Variants in DIS3L2 observed in about 807,000 individuals in gnomAD.
The protein encoded by DIS3L2 is DIS3 like 3'-5' exoribonuclease 2, also known as DIS3-like exonuclease 2.
In DIS3L2, 34 loss-of-function variants were observed where a neutral mutation model predicts 97.5. That is an observed-to-expected ratio of 0.35 (90% confidence interval 0.27 to 0.46). DIS3L2 has a LOEUF of 0.46. Ranked by LOEUF, DIS3L2 falls within the 20% of genes least tolerant of loss-of-function variation. The pLI is 1.00. For missense variants in DIS3L2, 1,038 were observed against 1,146.0 expected (o/e 0.91, Z 1.36); for synonymous variants, 435 against 445.2 (o/e 0.98, Z 0.29).
chr2:232,228,333 A>G (rs1692700687), intron 10 of DIS3L2, among the ~76,000 whole-genome samples: 1 of 152,172 alleles, frequency 6.6e-6, no homozygotes, highest in Non-Finnish European at 1.5e-5. Context: ...TTTTAGACCT[A>G]GACCTGGGGG....
rs763988869 is a variant in DIS3L2, at chr2:232,087,651, T to C, written c.531T>C (p.Asp177=). 8.1e-6 allele frequency: 13 copies of C among 1,614,074 alleles called. No homozygotes were observed. The highest frequency in any genetic ancestry group is 4.0e-5 in the African/African-American group (3 of 74,920). ...AGTTTGATGGCAGCGACTCAGAAGA[T>C]GGACATGGCATCACACAAAATGTGC... is the stretch of plus-strand genomic sequence containing the variant. The part of the protein sequence containing the change: ...EAQFDGSDSE[D]GHGITQNVLV... Residue 177 remains aspartate (D), a synonymous_variant, in exon 6 of 21, where the codon GAT becomes GAC. Coordinates refer to ENST00000325385, the MANE Select transcript of DIS3L2 (RefSeq NM_152383.5).
At position 232,018,530 on chromosome 2, in the gene DIS3L2, C is replaced by T. The variant is rs185423166; in HGVS notation, c.210+2859C>T. On this transcript the variant is annotated intron_variant, in intron 3 of 20. Coordinates refer to ENST00000325385, the MANE Select transcript of DIS3L2 (RefSeq NM_152383.5). ...ATAAACTTTATGTGTGCAAGCCTTG[C>T]GGGGTAAGGTAAAAGGCCAGACAAG... Among the ~76,000 whole-genome samples, 31 of 152,078 alleles carry T rather than the reference C, an allele frequency of 2.0e-4. No homozygotes were observed. The East Asian group carries it at 2.5e-3, about 12-fold the overall frequency.
chr2:232,225,750 G>A (rs1001444665), intron 10 of DIS3L2, among the ~76,000 whole-genome samples: 2 of 152,048 alleles, frequency 1.3e-5, no homozygotes, highest in African/African-American at 2.4e-5. Context: ...TTAAAAAAAT[G>A]AAGGAGTACA....
intron 5 of DIS3L2, among the ~76,000 whole-genome samples, chr2:232,062,088 C>T (rs1051358621): frequency 1.5e-5 from 2 of 136,986 alleles, no homozygotes; most frequent in South Asian, 2.7e-4. Flanking sequence ...TGTTCAGCTA[C>T]GGGGCGGGCT....
intron 3 of DIS3L2, among the ~76,000 whole-genome samples, chr2:232,022,687 C>CGAGACTGTAAGCTCTGTGATGGTA (rs1694550910): frequency 6.6e-6 from 1 of 152,206 alleles, no homozygotes; most frequent in African/African-American, 2.4e-5. Flanking sequence ...CTTCCCCTCA[C>CGAGACTGTAAGCTCTGTGATGGTA]GAGACTGTAA....
At chr2:232,096,461 C>A (rs1363677340) in intron 6 of DIS3L2, among the ~76,000 whole-genome samples, 1 of 152,052 alleles carries the variant, frequency 6.6e-6, no homozygotes, top group Non-Finnish European at 1.5e-5. Flanking sequence ...TAATGTCTTT[C>A]TCTAGGTTTG....
At chr2:232,241,265 C>CA (rs1693073398) in intron 11 of DIS3L2, among the ~76,000 whole-genome samples, 2 of 152,216 alleles carry the variant, frequency 1.3e-5, no homozygotes, top group African/African-American at 4.8e-5. Context: ...GCTGTGTTTC[C>CA]GCCCTCCAGA....
At chr2:232,289,164 A>C (rs1252538351) in intron 13 of DIS3L2, among the ~76,000 whole-genome samples, 1 of 152,170 alleles carries the variant, frequency 6.6e-6, no homozygotes, top group Non-Finnish European at 1.5e-5. Context: ...TTCTCACTTA[A>C]GGCTTGATAT....
intron 5 of DIS3L2, among the ~76,000 whole-genome samples, chr2:232,067,846 A>G (rs923238451): frequency 2.0e-5 from 3 of 152,242 alleles, no homozygotes; most frequent in Non-Finnish European, 2.9e-5. Flanking sequence ...CCGCTTATCA[A>G]CATAAAGTGT....
At chr2:232,172,800 A>G (rs1574925027) in intron 9 of DIS3L2, 2 of 531,706 alleles carry the variant, frequency 3.8e-6, no homozygotes, top group East Asian at 1.1e-4. Flanking sequence ...TGTATTTGTG[A>G]TTATAGCCAT....
At chr2:232,199,280 T>C (rs1691832735) in intron 9 of DIS3L2, among the ~76,000 whole-genome samples, 1 of 152,232 alleles carries the variant, frequency 6.6e-6, no homozygotes, top group Admixed American at 6.5e-5. Flanking sequence ...AAAGTCATGT[T>C]TGAAGAGCTG....
intron 9 of DIS3L2, among the ~76,000 whole-genome samples, chr2:232,167,942 G>A (rs987064850): frequency 1.6e-4 from 24 of 152,208 alleles, no homozygotes; most frequent in African/African-American, 2.9e-4. Context: ...CCAGCTGCTC[G>A]GGAGGCTGAG....
chr2:232,233,530 AT>A (rs1279871610), intron 10 of DIS3L2, among the ~76,000 whole-genome samples: 4 of 152,168 alleles, frequency 2.6e-5, no homozygotes, highest in Non-Finnish European at 4.4e-5. Context: ...GGGGGAGCAA[AT>A]ATCTATCACA....
chr2:232,314,295 C>T (rs1695212097), intron 14 of DIS3L2, among the ~76,000 whole-genome samples: 2 of 152,198 alleles, frequency 1.3e-5, no homozygotes, highest in Non-Finnish European at 2.9e-5. Flanking sequence ...CAAGGTAGAT[C>T]CTATATTTTT....
chr2:231,983,938 T>A (rs914766871), intron 1 of DIS3L2, among the ~76,000 whole-genome samples: 1 of 151,794 alleles, frequency 6.6e-6, no homozygotes, highest in Admixed American at 6.6e-5. Flanking sequence ...TGGAACAAAG[T>A]TCTTTATTAT....
intron 9 of DIS3L2, among the ~76,000 whole-genome samples, chr2:232,209,260 G>A (rs1477526394): frequency 2.0e-5 from 3 of 152,118 alleles, no homozygotes; most frequent in Admixed American, 6.6e-5. Flanking sequence ...CATTAGAGCA[G>A]CTTGGCAGCC....
At chr2:231,984,823 G>C (rs1041123666) in intron 1 of DIS3L2, among the ~76,000 whole-genome samples, 1 of 152,054 alleles carries the variant, frequency 6.6e-6, no homozygotes, top group African/African-American at 2.4e-5. Context: ...ATTTCACCAT[G>C]TTGGCCAGAC....
chr2:232,275,583 T>G (rs1694120511), intron 13 of DIS3L2, among the ~76,000 whole-genome samples: 1 of 152,256 alleles, frequency 6.6e-6, no homozygotes, highest in Admixed American at 6.5e-5. Flanking sequence ...TGTTTTGCTT[T>G]ATAATACTTC....
Position 232,136,507 on chromosome 2 carries a change from A to G in DIS3L2, c.738A>G (p.Ala246=), listed in dbSNP as rs781622806. ...TCTTGGAGAAAAAACATTCTCGAGC[A>G]GCAACCGGCTTCCTCAAACTCTTGG... ...VYILEKKHSR[A]ATGFLKLLAD... The change falls in exon 8 of 21, where the codon GCA becomes GCG. Residue 246 remains alanine, a synonymous_variant. Coordinates refer to ENST00000325385, the MANE Select transcript of DIS3L2 (RefSeq NM_152383.5). The G allele has an allele frequency of 9.6e-5, 155 of 1,613,984 alleles. No homozygotes were observed. The highest frequency in any genetic ancestry group is 1.3e-4 in the Non-Finnish European group (153 of 1,179,964).
Sources: gnomAD v4.1 joint callset for allele counts (sites outside exome capture counted in the v4.1 genomes callset) on GRCh38, gnomAD v4.1.1 for gene constraint, MANE v1.5 for transcripts, NCBI Gene and HGNC (gene_info 2026-07-23, HGNC 2026-07-21) for gene names.